ZBTB44: variants seen among roughly 807,000 people sequenced by gnomAD.
The protein encoded by ZBTB44 is zinc finger and BTB domain containing 44.
In ZBTB44, 15 loss-of-function variants were observed where a neutral mutation model predicts 54.0. The observed-to-expected ratio is 0.28, with a 90% CI of 0.19 to 0.43. The LOEUF (loss-of-function observed/expected upper bound fraction) is 0.43, where lower values mean the gene tolerates loss of function less well. Among genes scored for constraint, ZBTB44 ranks in the 20% least tolerant of loss-of-function variants. ZBTB44 has a pLI of 1.00. For synonymous variants in ZBTB44, 230 were observed against 250.1 expected, an observed-to-expected ratio of 0.92 and a Z score of 0.76; for missense variants, 487 against 707.1, an observed-to-expected ratio of 0.69 and a Z score of 3.53.
At chr11:130,311,263 G>C (rs1250521600) in intron 1 of ZBTB44, among the ~76,000 whole-genome samples, 1 of 151,424 alleles carries the variant, frequency 6.6e-6, no homozygotes, top group Non-Finnish European at 1.5e-5. Flanking sequence ...CTGAAGTGCA[G>C]TGGGGTATGA....
At chr11:130,274,488 A>G (rs77054252) in intron 1 of ZBTB44, among the ~76,000 whole-genome samples, 1,842 of 152,274 alleles carry the variant, frequency 0.012, 40 homozygotes, top group African/African-American at 0.042. Flanking sequence ...TATGTTAGCT[A>G]CGAGGTTTTC....
rs746580718 is a variant in ZBTB44, at chr11:130,239,796, CTA to C, written c.1103+14_1103+15del. The C allele has an allele frequency of 3.1e-6, 5 of 1,605,446 alleles. No individual in the cohort carries two copies. Among genetic ancestry groups the C allele is most frequent in the African/African-American group, 2.7e-5 (2 of 74,830 alleles). On this transcript the variant is annotated intron_variant, in intron 3 of 7. Transcript: ENST00000357899. ...ACAACCCTTAAGAGGTAACGAAATGCTATGTTAGTACTGACCGATCATCATCA... is the reference window on the plus strand; with the variant it reads ...ACAACCCTTAAGAGGTAACGAAATGCTGTTAGTACTGACCGATCATCATCA...
chr11:130,246,298 T>C (rs541467352), intron 2 of ZBTB44, among the ~76,000 whole-genome samples: 81 of 152,268 alleles, frequency 5.3e-4, no homozygotes, highest in African/African-American at 1.7e-3. Flanking sequence ...CATATATATA[T>C]ACACACACAT....
At chr11:130,304,636 G>C (rs971897280) in intron 1 of ZBTB44, among the ~76,000 whole-genome samples, 1 of 151,764 alleles carries the variant, frequency 6.6e-6, no homozygotes, top group Non-Finnish European at 1.5e-5. Flanking sequence ...AAAAAATATT[G>C]ATTTTTCCAG....
chr11:130,256,796 G>A lies in ZBTB44; in HGVS notation c.1018+4060C>T, dbSNP rs192253464. On this transcript the variant is annotated intron_variant, in intron 2 of 7. Transcript: ENST00000357899. Reference sequence around the variant, plus strand: ...ACAAATCCATAGACAGTATCATACCGAATGAGTAAAAGCAGAAAGCATTCC... The same window carrying A: ...ACAAATCCATAGACAGTATCATACCAAATGAGTAAAAGCAGAAAGCATTCC... 2.9e-3 allele frequency among the ~76,000 whole-genome samples: 439 copies of A among 152,106 alleles called. 1 individual carries two copies. The highest frequency in any genetic ancestry group is 4.6e-3 in the Non-Finnish European group (315 of 68,012).
At chr11:130,301,075 A>T (rs1941962330) in intron 1 of ZBTB44, among the ~76,000 whole-genome samples, 2 of 152,196 alleles carry the variant, frequency 1.3e-5, no homozygotes, top group South Asian at 4.1e-4. Flanking sequence ...TTAAAGATAC[A>T]GGAAACGGGT....
At chr11:130,266,902 A>G (rs1191801551) in intron 1 of ZBTB44, among the ~76,000 whole-genome samples, 2 of 152,212 alleles carry the variant, frequency 1.3e-5, no homozygotes, top group African/African-American at 4.8e-5. Context: ...AGAAAACTAC[A>G]TACACCTTGT....
intron 1 of ZBTB44, among the ~76,000 whole-genome samples, chr11:130,279,056 A>G (rs1425190142): frequency 6.6e-6 from 1 of 152,006 alleles, no homozygotes; most frequent in Admixed American, 6.6e-5. Flanking sequence ...AAATCCAGTT[A>G]CTGTTCCTTT....
chr11:130,305,216 T>C (rs1016896765), intron 1 of ZBTB44, among the ~76,000 whole-genome samples: 5 of 152,042 alleles, frequency 3.3e-5, no homozygotes, highest in African/African-American at 1.2e-4. Context: ...GCAATTCACA[T>C]CAAAATACCA....
chr11:130,247,201 G>C (rs970708370), intron 2 of ZBTB44, among the ~76,000 whole-genome samples: 1 of 152,124 alleles, frequency 6.6e-6, no homozygotes, highest in African/African-American at 2.4e-5. Context: ...AATCTCCCTT[G>C]TTGCAAATGA....
chr11:130,252,844 A>C (rs868523586), intron 2 of ZBTB44, among the ~76,000 whole-genome samples: 1 of 152,210 alleles, frequency 6.6e-6, no homozygotes, highest in Non-Finnish European at 1.5e-5. Flanking sequence ...ATCCAGCAGC[A>C]CATCAAAAAG....
At chr11:130,309,708 A>T (rs1942477806) in intron 1 of ZBTB44, among the ~76,000 whole-genome samples, 2 of 152,054 alleles carry the variant, frequency 1.3e-5, no homozygotes, top group African/African-American at 4.8e-5. Flanking sequence ...CAGCCTGGAC[A>T]ACATGGTGAA....
In ZBTB44 at chr11:130,231,578, T is replaced by C. The variant is rs1417181483; in HGVS notation, c.*186A>G. On this transcript the variant is annotated 3_prime_UTR_variant, in exon 8 of 8. Coordinates refer to ENST00000357899, the MANE Select transcript of ZBTB44 (RefSeq NM_001301098.2). The stretch of plus-strand genomic sequence containing the variant: ...TTGTGCTTGGCTCTTAATGCGAAGT[T>C]TTCAGGGTTGGGGATGTGCTAAAAA... 2.6e-5 allele frequency: 4 copies of C among 152,232 alleles called. No homozygotes were observed. Among genetic ancestry groups the C allele is most frequent in the African/African-American group, 9.6e-5 (4 of 41,552 alleles). 9.4% of individuals were successfully genotyped at this position (152,232 alleles called of 1,614,324 possible). A position where few individuals can be genotyped will look rare whatever the true frequency, so the allele number is the denominator to read the frequency against.
intron 1 of ZBTB44, among the ~76,000 whole-genome samples, chr11:130,287,845 T>C (rs192857606): frequency 1.2e-3 from 179 of 151,796 alleles, no homozygotes; most frequent in Non-Finnish European, 1.9e-3. Context: ...TTACATGAAC[T>C]ATATCTAAAA....
chr11:130,236,042 T>TG, intron 5 of ZBTB44: 1 of 1,099,336 alleles, frequency 9.1e-7, no homozygotes, highest in Non-Finnish European at 1.1e-6. Context: ...AGTACAATTC[T>TG]TATAAACAAT....
At chr11:130,307,891 A>C (rs1411278101) in intron 1 of ZBTB44, among the ~76,000 whole-genome samples, 3 of 152,098 alleles carry the variant, frequency 2.0e-5, no homozygotes, top group African/African-American at 7.2e-5. Context: ...ACACTTGGCT[A>C]ATTTTTGTAT....
intron 1 of ZBTB44, among the ~76,000 whole-genome samples, chr11:130,297,683 G>A (rs1047251547): frequency 2.0e-5 from 3 of 152,198 alleles, no homozygotes; most frequent in Non-Finnish European, 4.4e-5. Flanking sequence ...GCAAAGAGAC[G>A]TGGAACAAGA....
chr11:130,311,565 G>GA (rs1450118253), intron 1 of ZBTB44, among the ~76,000 whole-genome samples: 5 of 152,084 alleles, frequency 3.3e-5, no homozygotes, highest in Admixed American at 6.6e-5. Flanking sequence ...GACAAATATA[G>GA]AGTCAAGGAA....
chr11:130,253,733 T>C (rs1938212933), intron 2 of ZBTB44, among the ~76,000 whole-genome samples: 1 of 152,266 alleles, frequency 6.6e-6, no homozygotes, highest in South Asian at 2.1e-4. Context: ...AAAGTTCACA[T>C]GGAACCAAAA....
Sources: gnomAD v4.1 joint callset for allele counts (sites outside exome capture counted in the v4.1 genomes callset) on GRCh38, gnomAD v4.1.1 for gene constraint, MANE v1.5 for transcripts, NCBI Gene and HGNC (gene_info 2026-07-23, HGNC 2026-07-21) for gene names.